Variants in EYA1 observed in about 807,000 individuals in gnomAD.
EYA1 encodes the protein protein phosphatase EYA1.
Under a neutral mutation model 82.0 loss-of-function variants are expected in EYA1, and 16 were observed. The ratio of observed to expected loss-of-function variants is 0.20; its 90% CI spans 0.13 to 0.30. The LOEUF (loss-of-function observed/expected upper bound fraction) is 0.30, where lower values mean the gene tolerates loss of function less well. Ranked by LOEUF, EYA1 falls within the 10% of genes least tolerant of loss-of-function variation. The probability of loss-of-function intolerance (pLI) is 1.00; values close to 1 mark genes in which losing one functional copy is unlikely to be tolerated. For synonymous variants in EYA1, 261 were observed against 264.4 expected, an observed-to-expected ratio of 0.99 and a Z score of 0.12; for missense variants, 633 against 730.7, an observed-to-expected ratio of 0.87 and a Z score of 1.54.
chr8:71,532,595 T>C (rs1258225096), intron 2 of EYA1, among the ~76,000 whole-genome samples: 1 of 152,200 alleles, frequency 6.6e-6, no homozygotes, highest in Non-Finnish European at 1.5e-5. Context: ...GCTAGCATTG[T>C]GTGAAAAAAC....
intron 7 of EYA1, among the ~76,000 whole-genome samples, chr8:71,316,795 A>T (rs1175761053): frequency 6.6e-6 from 1 of 152,218 alleles, no homozygotes; most frequent in South Asian, 2.1e-4. Flanking sequence ...AACTGTAGTA[A>T]AGACAAGATA....
intron 2 of EYA1, among the ~76,000 whole-genome samples, chr8:71,411,620 A>C (rs1830593893): frequency 6.6e-6 from 1 of 151,906 alleles, no homozygotes; most frequent in South Asian, 2.1e-4. Context: ...GCCAAAATAC[A>C]TGAAAAAATG....
At chr8:71,258,772 A>G (rs1242553500) in intron 11 of EYA1, among the ~76,000 whole-genome samples, 1 of 152,212 alleles carries the variant, frequency 6.6e-6, no homozygotes, top group Non-Finnish European at 1.5e-5. Context: ...ATGATATTTG[A>G]TCTTAACTAT....
chr8:71,351,192 A>C (rs1484240602), intron 3 of EYA1, among the ~76,000 whole-genome samples: 4 of 152,190 alleles, frequency 2.6e-5, no homozygotes, highest in African/African-American at 9.7e-5. Context: ...TATGTGTTTC[A>C]AGACAAGTTT....
intron 9 of EYA1, among the ~76,000 whole-genome samples, chr8:71,297,301 A>G (rs1819699821): frequency 6.6e-6 from 1 of 152,088 alleles, no homozygotes. Context: ...CCCTTTTAGG[A>G]AAAATACTCA....
At chr8:71,445,265 T>A in intron 2 of EYA1, among the ~76,000 whole-genome samples, 1 of 152,226 alleles carries the variant, frequency 6.6e-6, no homozygotes, top group Non-Finnish European at 1.5e-5. Context: ...CTATACTGAA[T>A]GAGTTTTTCT....
intron 2 of EYA1, among the ~76,000 whole-genome samples, chr8:71,469,067 G>C (rs1469623374): frequency 6.6e-6 from 1 of 151,934 alleles, no homozygotes; most frequent in Non-Finnish European, 1.5e-5. Flanking sequence ...GTATCTGACT[G>C]GGTCAAATGT....
At chr8:71,257,378 AAT>A (rs1400326022) in intron 11 of EYA1, among the ~76,000 whole-genome samples, 2 of 152,246 alleles carry the variant, frequency 1.3e-5, no homozygotes, top group Admixed American at 6.5e-5. Context: ...AGTTAAAAAA[AAT>A]ATAAAAATAT....
chr8:71,297,924 C>T (rs919492005), intron 9 of EYA1, among the ~76,000 whole-genome samples: 1 of 151,912 alleles, frequency 6.6e-6, no homozygotes, highest in African/African-American at 2.4e-5. Context: ...TTAAAATGTG[C>T]AGCAGAAATA....
At chr8:71,454,413 A>G (rs1230924067) in intron 2 of EYA1, among the ~76,000 whole-genome samples, 1 of 152,218 alleles carries the variant, frequency 6.6e-6, no homozygotes, top group Non-Finnish European at 1.5e-5. Context: ...GTTCTGCACC[A>G]AGCGGACTTA....
upstream of EYA1, among the ~76,000 whole-genome samples, chr8:71,366,477 T>G (rs1227258853): frequency 6.6e-6 from 1 of 152,234 alleles, no homozygotes; most frequent in African/African-American, 2.4e-5. Context: ...GGTTGTTTCT[T>G]CGCCAAGATT....
chr8:71,216,886 G>A (rs376100724), intron 13 of EYA1, 34 bp from the exon 14 acceptor site: 66 of 1,613,290 alleles, frequency 4.1e-5, no homozygotes, highest in Non-Finnish European at 4.8e-5. Flanking sequence ...AAAGTTAGCC[G>A]AACAGAAAGT....
At chr8:71,449,734 C>T (rs760021656) in intron 2 of EYA1, among the ~76,000 whole-genome samples, 1 of 152,180 alleles carries the variant, frequency 6.6e-6, no homozygotes, top group Non-Finnish European at 1.5e-5. Flanking sequence ...CAGGCATTGA[C>T]TTCTCTTTAG....
chr8:71,354,377 C>T (rs58657709), intron 3 of EYA1, among the ~76,000 whole-genome samples: 2,874 of 152,050 alleles, frequency 0.019, 97 homozygotes, highest in African/African-American at 0.064. Context: ...TAAACAAATT[C>T]GGCTATATTT....
intron 2 of EYA1, among the ~76,000 whole-genome samples, chr8:71,504,739 T>A (rs971805469): frequency 4.6e-5 from 7 of 152,196 alleles, no homozygotes. Context: ...AAAATCATCC[T>A]GTAATTCTAC....
chr8:71,470,868 T>G (rs12114655), intron 2 of EYA1: 10,960 of 455,358 alleles, frequency 0.024, 966 homozygotes, highest in African/African-American at 0.19. Context: ...CTTTAATTTC[T>G]GGTGAGAGCT....
intron 2 of EYA1, among the ~76,000 whole-genome samples, chr8:71,474,198 T>TAAA (rs199862429): frequency 9.6e-6 from 1 of 104,224 alleles, no homozygotes; most frequent in African/African-American, 3.0e-5. Context: ...AAAGTAAAAT[T>TAAA]AAAAAAAAAA....
At chr8:71,278,663 C>T (rs1388989509) in intron 9 of EYA1, among the ~76,000 whole-genome samples, 1 of 152,120 alleles carries the variant, frequency 6.6e-6, no homozygotes, top group African/African-American at 2.4e-5. Flanking sequence ...CTTCTCCCAG[C>T]CTGATATTTC....
chr8:71,531,037 G>T (rs1814226335), intron 2 of EYA1: 1 of 152,190 alleles, frequency 6.6e-6, no homozygotes, highest in African/African-American at 2.4e-5. Flanking sequence ...TGCATGAGCT[G>T]ACAACATCAT....
Sources: gnomAD v4.1 joint callset for allele counts (sites outside exome capture counted in the v4.1 genomes callset) on GRCh38, gnomAD v4.1.1 for gene constraint, MANE v1.5 for transcripts, NCBI Gene and HGNC (gene_info 2026-07-23, HGNC 2026-07-21) for gene names.